Variants in IFNAR1 observed in about 807,000 individuals in gnomAD.
IFNAR1 encodes interferon alpha and beta receptor subunit 1, also known as interferon alpha/beta receptor 1.
IFNAR1 carries 47 observed loss-of-function variants against 62.1 expected under a neutral mutation model. That is an observed-to-expected ratio of 0.76 (90% CI 0.60 to 0.97). The LOEUF (loss-of-function observed/expected upper bound fraction) is 0.97, where lower values mean the gene tolerates loss of function less well. Ranked by LOEUF, IFNAR1 falls within the 50% of genes least tolerant of loss-of-function variation. IFNAR1 has a pLI of 0.00. For synonymous variants in IFNAR1, 219 were observed against 226.9 expected (o/e 0.97, Z 0.31); for missense variants, 638 against 654.5 (o/e 0.97, Z 0.27).
intron 1 of IFNAR1, 38 bp downstream of exon 1, chr21:33,325,169 A>G (rs759684029): frequency 1.1e-5 from 17 of 1,567,140 alleles, no homozygotes; most frequent in Non-Finnish European, 1.4e-5. Flanking sequence ...GCAGGGCGGG[A>G]GGTAGGGCAC....
chr21:33,340,474 T>C (rs2083283300), intron 2 of IFNAR1, among the ~76,000 whole-genome samples: 1 of 151,660 alleles, frequency 6.6e-6, no homozygotes, highest in Non-Finnish European at 1.5e-5. Context: ...CCCTCTCACC[T>C]CAGCCTACCC....
At chr21:33,324,892 G>GGTGTGTGTGTGTGTGTGT (rs36158718), upstream of IFNAR1, 56,933 of 568,140 alleles carry the variant, frequency 0.1, 1,638 homozygotes, top group East Asian at 0.13. Flanking sequence ...GCGGAGGGGC[G>GGTGTGTGTGTGTGTGTGT]GTGTGTGTGT....
At chr21:33,334,855 T>C (rs936017402) in intron 1 of IFNAR1, 5 of 1,120,646 alleles carry the variant, frequency 4.5e-6, no homozygotes, top group South Asian at 3.8e-5. Context: ...TCACCAGTTA[T>C]GATGCAGTTA....
At chr21:33,348,842 C>T (rs1163911281) in intron 6 of IFNAR1, among the ~76,000 whole-genome samples, 1 of 152,058 alleles carries the variant, frequency 6.6e-6, no homozygotes, top group Admixed American at 6.6e-5. Context: ...TTGCAGCATT[C>T]CTGGAAATTC....
At chr21:33,337,641 A>T (rs936339562) in intron 2 of IFNAR1, among the ~76,000 whole-genome samples, 3 of 74,854 alleles carry the variant, frequency 4.0e-5, no homozygotes, top group Non-Finnish European at 8.7e-5. Context: ...TATACACTAT[A>T]TATATACATA....
chr21:33,329,341 C>G (rs140825996), intron 1 of IFNAR1, among the ~76,000 whole-genome samples: 435 of 152,042 alleles, frequency 2.9e-3, no homozygotes, highest in African/African-American at 0.01. Flanking sequence ...TGGATGAGAA[C>G]CAAGTTAAGA....
At chr21:33,329,218 T>C (rs2083154892) in intron 1 of IFNAR1, among the ~76,000 whole-genome samples, 1 of 152,224 alleles carries the variant, frequency 6.6e-6, no homozygotes, top group African/African-American at 2.4e-5. Context: ...ACTAGAATTA[T>C]AATATTCTGC....
rs2083476384 is a variant in IFNAR1, at chr21:33,359,101, T to G, written c.*3552T>G. On this transcript the variant is annotated 3_prime_UTR_variant, in exon 11 of 11. Transcript: ENST00000270139. ...ACTGCATCCCCAGTAATGAAAGTAC[T>G]TAGAAAATAATTATTGAATGAATGA... 1 of 152,160 alleles carries G rather than the reference T, an allele frequency of 6.6e-6. No homozygotes were observed. Among genetic ancestry groups the G allele is most frequent in the Non-Finnish European group, 1.5e-5 (1 of 68,030 alleles). The allele number at this position is 152,160 out of a possible 1,614,324, so 9.4% of individuals were successfully genotyped here. A position where few individuals can be genotyped will look rare whatever the true frequency, so the allele number is the denominator to read the frequency against.
rs2083454924 is a variant in IFNAR1, at chr21:33,357,038, T to C, written c.*1489T>C. 1 of 152,136 alleles carries C rather than the reference T, an allele frequency of 6.6e-6. No individual in the cohort carries two copies. Among genetic ancestry groups the C allele is most frequent in the Admixed American group, 6.6e-5 (1 of 15,266 alleles). The allele number at this position is 152,136 out of a possible 1,614,324, so 9.4% of individuals were successfully genotyped here. ...GGAAGAAAAACCCAATTTAAGAAAT[T>C]ACATAATGCTTTCCAAAGGCACCTA... On this transcript the variant is annotated 3_prime_UTR_variant, in exon 11 of 11. Coordinates refer to ENST00000270139, the MANE Select transcript of IFNAR1 (RefSeq NM_000629.3).
chr21:33,324,969 C>A, upstream of IFNAR1: 4 of 1,186,946 alleles, frequency 3.4e-6, no homozygotes, highest in Admixed American at 2.0e-5. Context: ...TGCAGAGGGG[C>A]GGTGTGACTT....
Position 33,353,757 on chromosome 21 carries a change from C to A in IFNAR1, c.1414C>A (p.Leu472Ile). ...CATCAATTATGTCTTCTTTCCATCA[C>A]TTAAACCTTCTTCCAGTATAGATGA... ...RCINYVFFPS[L>I]KPSSSIDEYF... The change falls in exon 10 of 11, where the codon CTT (leucine) becomes ATT (isoleucine). Residue 472 changes from leucine to isoleucine, a missense_variant. Leu to Ile is a conservative substitution (Grantham distance 5). Coordinates refer to ENST00000270139, the MANE Select transcript of IFNAR1 (RefSeq NM_000629.3). The A allele has an allele frequency of 6.3e-7, 1 of 1,585,806 alleles. No individual in the cohort carries two copies. The highest frequency in any genetic ancestry group is 8.6e-7 in the Non-Finnish European group (1 of 1,169,372).
At chr21:33,331,694 C>G (rs1027889253) in intron 1 of IFNAR1, among the ~76,000 whole-genome samples, 1 of 152,130 alleles carries the variant, frequency 6.6e-6, no homozygotes, top group Admixed American at 6.5e-5. Context: ...CTGCTTATCC[C>G]TAGCTATTCC....
chr21:33,358,268 A>G lies in IFNAR1; in HGVS notation c.*2719A>G, dbSNP rs1017009371. ...TGCATTATGTTCTACATGTTGCTTT[A>G]TCAGTATATGCTTAGCTGTAAGTGA... On this transcript the variant is annotated 3_prime_UTR_variant, in exon 11 of 11. Coordinates refer to ENST00000270139, the MANE Select transcript of IFNAR1 (RefSeq NM_000629.3). 1 of 152,206 alleles carries G rather than the reference A, an allele frequency of 6.6e-6. No individual in the cohort carries two copies. Among genetic ancestry groups the G allele is most frequent in the Admixed American group, 6.5e-5 (1 of 15,268 alleles). The allele number at this position is 152,206 out of a possible 1,614,324, so 9.4% of individuals were successfully genotyped here.
rs1241726073 is a variant in IFNAR1, at chr21:33,337,694, A to G, written c.200+2047A>G. Among the ~76,000 whole-genome samples, 5 of 141,418 alleles carry G rather than the reference A, an allele frequency of 3.5e-5. 1 individual carries two copies. Among genetic ancestry groups the G allele is most frequent in the Admixed American group, 3.5e-4 (5 of 14,212 alleles). 92.8% of individuals were successfully genotyped at this position (141,418 alleles called of 152,430 possible). On this transcript the variant is annotated intron_variant, in intron 2 of 10. Transcript: ENST00000270139. ...ACTATATATAATACATACTGTATAC[A>G]TACATATACACACATTGTGTATACA... is the stretch of plus-strand genomic sequence containing the variant.
chr21:33,344,205 AT>A (rs2083322584), intron 5 of IFNAR1, among the ~76,000 whole-genome samples: 1 of 152,204 alleles, frequency 6.6e-6, no homozygotes, highest in Non-Finnish European at 1.5e-5. Flanking sequence ...AAAACTTTTC[AT>A]TTGTTCAGAA....
In IFNAR1 at chr21:33,358,598, T is replaced by C. The variant is rs1216750484; in HGVS notation, c.*3049T>C. The stretch of plus-strand genomic sequence containing the variant: ...TTATTCCTTTAGTATGGACTTAAAG[T>C]ACTTATTCATATACCTTGTAACTAA... On this transcript the variant is annotated 3_prime_UTR_variant, in exon 11 of 11. Transcript: ENST00000270139. 1 of 152,054 alleles carries C rather than the reference T, an allele frequency of 6.6e-6. No homozygotes were observed. The highest frequency in any genetic ancestry group is 2.4e-5 in the African/African-American group (1 of 41,400). The allele number at this position is 152,054 out of a possible 1,614,324, so 9.4% of individuals were successfully genotyped here.
intron 5 of IFNAR1, among the ~76,000 whole-genome samples, chr21:33,344,435 A>G (rs903474666): frequency 4.0e-5 from 6 of 150,018 alleles, no homozygotes; most frequent in African/African-American, 1.5e-4. Context: ...TAAATTTCAT[A>G]TGCTTTTTTT....
intron 2 of IFNAR1, among the ~76,000 whole-genome samples, chr21:33,337,237 A>ATAAC (rs2083246468): frequency 2.0e-5 from 3 of 152,080 alleles, no homozygotes; most frequent in Non-Finnish European, 4.4e-5. Flanking sequence ...AAATAAATAA[A>ATAAC]TAAAATAAAA....
chr21:33,340,874 G>T (rs375017192), intron 2 of IFNAR1, 125 bp from the exon 3 acceptor site: 23 of 629,404 alleles, frequency 3.7e-5, no homozygotes, highest in East Asian at 3.1e-4. Flanking sequence ...ACCAAAAATA[G>T]AAATAACTCT....
Sources: allele counts gnomAD v4.1 joint callset (sites outside exome capture counted in the v4.1 genomes callset), GRCh38; gene constraint gnomAD v4.1.1; transcripts MANE v1.5; gene names NCBI Gene and HGNC (gene_info 2026-07-23, HGNC 2026-07-21).